ZBTB7C: variants seen among roughly 807,000 people sequenced by gnomAD.
ZBTB7C encodes the protein zinc finger and BTB domain containing 7C, also known as zinc finger and BTB domain-containing protein 7C.
In ZBTB7C, 8 loss-of-function variants were observed where a neutral mutation model predicts 25.7. The ratio of observed to expected loss-of-function variants is 0.31; its 90% CI spans 0.18 to 0.56. ZBTB7C has a LOEUF of 0.56. Ranked by LOEUF, ZBTB7C falls within the 20% of genes least tolerant of loss-of-function variation. The pLI is 0.91. For missense variants in ZBTB7C, 824 were observed against 855.2 expected (o/e 0.96, Z 0.46); for synonymous variants, 394 against 369.0 (o/e 1.07, Z -0.78).
chr18:48,367,774 T>A (rs1397044992), intron 1 of ZBTB7C, among the ~76,000 whole-genome samples: 4 of 151,878 alleles, frequency 2.6e-5, no homozygotes, highest in Non-Finnish European at 5.9e-5. Context: ...AGTCAGGATG[T>A]TTGCTAACGC....
In ZBTB7C at chr18:48,027,681, G is replaced by C. The variant is rs2144036085; in HGVS notation, c.*1579C>G. 6.6e-6 allele frequency: 1 copy of C among 152,324 alleles called. No individual in the cohort carries two copies. Among genetic ancestry groups the C allele is most frequent in the East Asian group, 1.9e-4 (1 of 5,184 alleles). 9.4% of individuals were successfully genotyped at this position (152,324 alleles called of 1,614,324 possible). A position where few individuals can be genotyped will look rare whatever the true frequency, so the allele number is the denominator to read the frequency against. On this transcript the variant is annotated 3_prime_UTR_variant, in exon 5 of 5. Transcript: ENST00000590800. ...TTGTTGTGTTTTTGCTCAGGAAAAA[G>C]CCAAGGCAACAGGAAGAGCTGAAGT...
intron 1 of ZBTB7C, among the ~76,000 whole-genome samples, chr18:48,373,832 G>C (rs12326512): frequency 0.096 from 14,636 of 152,152 alleles, 861 homozygotes; most frequent in Non-Finnish European, 0.13. Context: ...ATGGTGGCGG[G>C]GGCCTGTAGT....
chr18:48,140,101 A>G (rs1375502792), intron 3 of ZBTB7C, among the ~76,000 whole-genome samples: 1 of 152,180 alleles, frequency 6.6e-6, no homozygotes, highest in Admixed American at 6.5e-5. Flanking sequence ...TCCTACTTCA[A>G]CCACCGAGCA....
At chr18:48,404,995 C>T (rs2048246067) in intron 1 of ZBTB7C, among the ~76,000 whole-genome samples, 1 of 152,214 alleles carries the variant, frequency 6.6e-6, no homozygotes, top group African/African-American at 2.4e-5. Flanking sequence ...AAGTCTCCCC[C>T]TGGTAAAACC....
chr18:48,126,704 G>C lies in ZBTB7C; in HGVS notation c.-17+59230C>G, dbSNP rs142001079. ...AGGAGAGGTGTGTGCTGGGAGAAAG[G>C]GGGGAGGACCAGAGCTCTATGCTGA... On this transcript the variant is annotated intron_variant, in intron 3 of 4. Coordinates refer to ENST00000590800, the MANE Select transcript of ZBTB7C (RefSeq NM_001318841.2). Among the ~76,000 whole-genome samples the C allele has an allele frequency of 3.4e-4, 52 of 152,268 alleles. No individual in the cohort carries two copies. The East Asian group carries it at 7.0e-3, about 20-fold the overall frequency.
intron 3 of ZBTB7C, among the ~76,000 whole-genome samples, chr18:48,154,960 C>T (rs1256374558): frequency 6.6e-6 from 1 of 152,196 alleles, no homozygotes; most frequent in Non-Finnish European, 1.5e-5. Flanking sequence ...ACCAGCAATG[C>T]CAATCCTCAC....
At chr18:48,410,368 C>G (rs112993929), upstream of ZBTB7C, among the ~76,000 whole-genome samples, 22 of 152,332 alleles carry the variant, frequency 1.4e-4, no homozygotes, top group African/African-American at 5.1e-4. Context: ...CGTCACTCCC[C>G]GGGTCGGCCT....
chr18:48,095,908 C>T (rs1162321689), intron 3 of ZBTB7C, among the ~76,000 whole-genome samples: 3 of 152,052 alleles, frequency 2.0e-5, no homozygotes, highest in Non-Finnish European at 2.9e-5. Context: ...CTGGTAACCT[C>T]TTATGTGGAA....
intron 2 of ZBTB7C, among the ~76,000 whole-genome samples, chr18:48,258,438 A>C (rs2044080858): frequency 6.6e-6 from 1 of 152,242 alleles, no homozygotes; most frequent in African/African-American, 2.4e-5. Context: ...CAACAATAGG[A>C]AATTGAAATA....
intron 2 of ZBTB7C, among the ~76,000 whole-genome samples, chr18:48,323,663 T>G (rs1244251895): frequency 6.6e-6 from 1 of 152,210 alleles, no homozygotes; most frequent in Non-Finnish European, 1.5e-5. Flanking sequence ...CCTGCCCCTT[T>G]AGGACACAGC....
At chr18:48,077,961 T>C (rs1015018591) in intron 3 of ZBTB7C, among the ~76,000 whole-genome samples, 1 of 106,610 alleles carries the variant, frequency 9.4e-6, no homozygotes, top group Non-Finnish European at 1.8e-5. Context: ...CCAGGGCACA[T>C]GAGGGAGAGT....
chr18:48,044,538 C>A (rs1211013694), intron 3 of ZBTB7C, among the ~76,000 whole-genome samples: 2 of 152,264 alleles, frequency 1.3e-5, no homozygotes, highest in Non-Finnish European at 2.9e-5. Context: ...GGCCAGCAAG[C>A]AGCCCCTGGA....
At position 48,301,369 on chromosome 18, in the gene ZBTB7C, C is replaced by T. The variant is rs2144741489; in HGVS notation, c.-79+36805G>A. 1.3e-5 allele frequency among the ~76,000 whole-genome samples: 2 copies of T among 152,334 alleles called. 1 individual carries two copies. Among genetic ancestry groups the T allele is most frequent in the South Asian group, 4.1e-4 (2 of 4,828 alleles). ...TGGCACACGCCTATAATCCCAGCTT[C>T]TCAGCAGGCTGAAGCAGGAGAACTG... On this transcript the variant is annotated intron_variant, in intron 2 of 4. Transcript: ENST00000590800.
At position 48,134,092 on chromosome 18, in the gene ZBTB7C, T is replaced by A. The variant is rs900200997; in HGVS notation, c.-17+51842A>T. Among the ~76,000 whole-genome samples, 4 of 34,032 alleles carry A rather than the reference T, an allele frequency of 1.2e-4. No individual in the cohort carries two copies. The African/African-American group carries it at 1.2e-3, about 10-fold the overall frequency. The allele number at this position is 34,032 out of a possible 152,430, so 22.3% of individuals were successfully genotyped here. On this transcript the variant is annotated intron_variant, in intron 3 of 4. Coordinates refer to ENST00000590800, the MANE Select transcript of ZBTB7C (RefSeq NM_001318841.2). ...GATCTTGTGACCTCAAACCCAGGATTTTTTTTTTTTTTTTTTTTTAAGAAA... is the reference window on the plus strand; with the variant it reads ...GATCTTGTGACCTCAAACCCAGGATATTTTTTTTTTTTTTTTTTTAAGAAA...
intron 3 of ZBTB7C, among the ~76,000 whole-genome samples, chr18:48,089,065 G>A (rs2038306361): frequency 1.3e-5 from 2 of 152,168 alleles, no homozygotes; most frequent in Non-Finnish European, 2.9e-5. Flanking sequence ...TCACACAGGA[G>A]AGAAAATTAT....
At chr18:48,410,228 C>T (rs946214307), upstream of ZBTB7C, among the ~76,000 whole-genome samples, 3 of 152,084 alleles carry the variant, frequency 2.0e-5, no homozygotes, top group Non-Finnish European at 2.9e-5. Context: ...GCAAGCTTGC[C>T]GCACCCCGGG....
At chr18:48,203,164 C>T (rs770657081) in intron 2 of ZBTB7C, among the ~76,000 whole-genome samples, 19 of 152,264 alleles carry the variant, frequency 1.2e-4, no homozygotes, top group Admixed American at 1.2e-3. Flanking sequence ...CTGCCCGGGG[C>T]CTCACTCAGT....
rs374045486 is a variant in ZBTB7C at position 48,045,000 on chromosome 18, A to G, written c.-16-3877T>C. Among the ~76,000 whole-genome samples, 133 of 152,360 alleles carry G rather than the reference A, an allele frequency of 8.7e-4. 1 individual carries two copies. The highest frequency in any genetic ancestry group is 3.1e-3 in the African/African-American group (128 of 41,590). On this transcript the variant is annotated intron_variant, in intron 3 of 4. Transcript: ENST00000590800. ...CTCCCCAGGCCATGCTCCCAACCAC[A>G]GCCAATTGCAGCTCCTGCCTCTGAT...
chr18:48,390,173 C>T lies in ZBTB7C; in HGVS notation c.-304+19053G>A, dbSNP rs536890832. Among the ~76,000 whole-genome samples the T allele has an allele frequency of 6.6e-5, 10 of 152,204 alleles. No homozygotes were observed. In the East Asian group the frequency reaches 1.5e-3, roughly 23 times the overall value. On this transcript the variant is annotated intron_variant, in intron 1 of 4. Coordinates refer to ENST00000590800, the MANE Select transcript of ZBTB7C (RefSeq NM_001318841.2). ...ACCACAATAGTAATATATCTTCACACTAGACAAAATAGAAGATAAAGATAG... is the reference window on the plus strand; with the variant it reads ...ACCACAATAGTAATATATCTTCACATTAGACAAAATAGAAGATAAAGATAG...
Sources: gnomAD v4.1 joint callset for allele counts (sites outside exome capture counted in the v4.1 genomes callset) on GRCh38, gnomAD v4.1.1 for gene constraint, MANE v1.5 for transcripts, NCBI Gene and HGNC (gene_info 2026-07-23, HGNC 2026-07-21) for gene names.